Variants in ZNF793 observed in about 807,000 individuals in gnomAD.
ZNF793 encodes zinc finger protein 793.
ZNF793 carries 5 observed loss-of-function variants against 12.4 expected under a neutral mutation model. The observed-to-expected ratio is 0.40, with a 90% CI of 0.21 to 0.84. The LOEUF (loss-of-function observed/expected upper bound fraction) is 0.84, where lower values mean the gene tolerates loss of function less well. ZNF793 is among the 40% of genes least tolerant of loss of function. The pLI, the probability that ZNF793 is intolerant of heterozygous loss-of-function variation, is 0.35. For synonymous variants in ZNF793, 162 were observed against 172.4 expected (o/e 0.94, Z 0.47); for missense variants, 456 against 495.0 (o/e 0.92, Z 0.75).
chr19:37,543,184 G>GT lies in ZNF793; in HGVS notation c.*5305_*5306insT, dbSNP rs2042562637. 1 of 152,204 alleles carries GT rather than the reference G, an allele frequency of 6.6e-6. No individual in the cohort carries two copies. Among genetic ancestry groups the GT allele is most frequent in the Non-Finnish European group, 1.5e-5 (1 of 68,042 alleles). 9.4% of individuals were successfully genotyped at this position (152,204 alleles called of 1,614,324 possible). A position where few individuals can be genotyped will look rare whatever the true frequency, so the allele number is the denominator to read the frequency against. On this transcript the variant is annotated 3_prime_UTR_variant, in exon 8 of 8. Coordinates refer to ENST00000627814, the MANE Select transcript of ZNF793 (RefSeq NM_001013659.3). Reference sequence around the variant, plus strand: ...GTTTATATGAACATAGAAAAGTGTAGAAGAATACACACGAAGGTGTTAACA... The same window carrying GT: ...GTTTATATGAACATAGAAAAGTGTAGTAAGAATACACACGAAGGTGTTAACA...
At chr19:37,533,243 C>T in intron 6 of ZNF793, 65 bp from the exon 7 acceptor site, 2 of 1,396,198 alleles carry the variant, frequency 1.4e-6, no homozygotes, top group Non-Finnish European at 2.0e-6. Context: ...GCCTTTAAAG[C>T]TGCCTGAGAG....
intron 3 of ZNF793, among the ~76,000 whole-genome samples, chr19:37,521,361 G>C (rs2042374054): frequency 6.6e-6 from 1 of 150,768 alleles, no homozygotes; most frequent in East Asian, 1.9e-4. Flanking sequence ...GACCTCAAGC[G>C]ATCCACCCAC....
intron 5 of ZNF793, among the ~76,000 whole-genome samples, chr19:37,531,645 T>A (rs1360777476): frequency 6.6e-6 from 1 of 152,220 alleles, no homozygotes; most frequent in East Asian, 1.9e-4. Flanking sequence ...ATCCCTGGGC[T>A]CTGAAGCCTA....
In ZNF793 at chr19:37,532,502, A is replaced by G. The variant is rs753047826; in HGVS notation, c.142+20A>G. 1.9e-6 allele frequency: 3 copies of G among 1,572,606 alleles called. No individual in the cohort carries two copies. In the South Asian group the frequency reaches 3.5e-5, roughly 18 times the overall value. ...CAGTGGGTAAGAACATCCTCACCAT[A>G]CAATGCAGATTATGTTCGAATGACC... is the stretch of plus-strand genomic sequence containing the variant. On this transcript the variant is annotated intron_variant, in intron 6 of 7. Transcript: ENST00000627814.
intron 2 of ZNF793, among the ~76,000 whole-genome samples, chr19:37,513,839 A>G (rs1183063486): frequency 6.6e-6 from 1 of 152,232 alleles, no homozygotes; most frequent in Non-Finnish European, 1.5e-5. Flanking sequence ...GGTGCCTTCA[A>G]CTGAGTTATA....
chr19:37,531,952 C>G (rs973126802), intron 5 of ZNF793, among the ~76,000 whole-genome samples: 9 of 152,066 alleles, frequency 5.9e-5, no homozygotes, highest in Non-Finnish European at 1.3e-4. Context: ...AAAAGGCCTT[C>G]CAGATAGATA....
intron 6 of ZNF793, 77 bp downstream of exon 6, chr19:37,532,559 G>GAGAAA: frequency 6.8e-7 from 1 of 1,480,390 alleles, no homozygotes; most frequent in Non-Finnish European, 9.0e-7. Context: ...AAAAGCAACT[G>GAGAAA]GAGTACTTTG....
At chr19:37,526,401 C>T (rs1032506957) in intron 5 of ZNF793, among the ~76,000 whole-genome samples, 2 of 152,142 alleles carry the variant, frequency 1.3e-5, no homozygotes, top group East Asian at 3.9e-4. Context: ...GCATGAGCTA[C>T]CACACCTGGC....
At chr19:37,514,558 G>GTAGATAGA (rs1364258191) in intron 2 of ZNF793, among the ~76,000 whole-genome samples, 4 of 131,962 alleles carry the variant, frequency 3.0e-5, no homozygotes, top group East Asian at 2.4e-4. Flanking sequence ...CCTGTCTCCA[G>GTAGATAGA]TAGATAGATA....
At chr19:37,523,541 G>C in intron 5 of ZNF793, 87 bp downstream of exon 5, 1 of 1,281,248 alleles carries the variant, frequency 7.8e-7, no homozygotes, top group Non-Finnish European at 1.1e-6. Context: ...AGTATGTACA[G>C]TTTGTACATA....
intron 4 of ZNF793, among the ~76,000 whole-genome samples, chr19:37,523,009 ATTTG>A (rs772214291): frequency 4.6e-4 from 70 of 152,176 alleles, no homozygotes; most frequent in Admixed American, 1.1e-3. Flanking sequence ...AAGGGTATTT[ATTTG>A]TTTGTTTATT....
intron 2 of ZNF793, among the ~76,000 whole-genome samples, chr19:37,509,401 A>G (rs2042275792): frequency 6.6e-6 from 1 of 152,252 alleles, no homozygotes; most frequent in South Asian, 2.1e-4. Flanking sequence ...TGTCAAAACA[A>G]TATTTTAATT....
At chr19:37,524,060 G>T (rs573751214) in intron 5 of ZNF793, among the ~76,000 whole-genome samples, 16 of 151,884 alleles carry the variant, frequency 1.1e-4, no homozygotes, top group Admixed American at 1.3e-4. Context: ...TGAGGCAGGA[G>T]AATTGCTTGA....
At chr19:37,535,009 T>G (rs2042493579) in intron 7 of ZNF793, 1 of 152,136 alleles carries the variant, frequency 6.6e-6, no homozygotes, top group Admixed American at 6.6e-5. Flanking sequence ...TTGTTGTTAT[T>G]GTTCAGATGA....
At chr19:37,518,534 C>T (rs576364969) in intron 2 of ZNF793, among the ~76,000 whole-genome samples, 1 of 150,858 alleles carries the variant, frequency 6.6e-6, no homozygotes, top group East Asian at 2.0e-4. Flanking sequence ...TGGCTCACAC[C>T]TATAATCCCA....
chr19:37,542,518 A>G lies in ZNF793; in HGVS notation c.*4639A>G. On this transcript the variant is annotated 3_prime_UTR_variant, in exon 8 of 8. Transcript: ENST00000627814. Reference sequence around the variant, plus strand: ...GATGAACATGTGAACATGGACATTTATTGTAAAAATTGTTCTTAATGGCAA... The same window carrying G: ...GATGAACATGTGAACATGGACATTTGTTGTAAAAATTGTTCTTAATGGCAA... 1 of 362,242 alleles carries G rather than the reference A, an allele frequency of 2.8e-6. No individual in the cohort carries two copies. Among genetic ancestry groups the G allele is most frequent in the Non-Finnish European group, 5.5e-6 (1 of 180,474 alleles). 22.4% of individuals were successfully genotyped at this position (362,242 alleles called of 1,614,324 possible).
intron 2 of ZNF793, among the ~76,000 whole-genome samples, chr19:37,517,101 A>G (rs1332875034): frequency 6.6e-6 from 1 of 152,122 alleles, no homozygotes; most frequent in African/African-American, 2.4e-5. Context: ...GGTGGCACTG[A>G]TTTTATCTGC....
intron 5 of ZNF793, among the ~76,000 whole-genome samples, chr19:37,525,643 G>C (rs1402607620): frequency 1.3e-5 from 2 of 150,598 alleles, no homozygotes; most frequent in East Asian, 1.9e-4. Flanking sequence ...CGATGGTCTC[G>C]ATCTCCTGAC....
chr19:37,519,143 G>A (rs2042356289), intron 2 of ZNF793, among the ~76,000 whole-genome samples: 1 of 151,894 alleles, frequency 6.6e-6, no homozygotes, highest in African/African-American at 2.4e-5. Context: ...GCAGGTGCCT[G>A]TAGTCCCAGC....
Sources: gnomAD v4.1 joint callset for allele counts (sites outside exome capture counted in the v4.1 genomes callset) on GRCh38, gnomAD v4.1.1 for gene constraint, MANE v1.5 for transcripts, NCBI Gene and HGNC (gene_info 2026-07-23, HGNC 2026-07-21) for gene names.